NEK1: variants seen among roughly 807,000 people sequenced by gnomAD.
NEK1 encodes the protein NIMA related kinase 1.
A neutral mutation model predicts 182.1 loss-of-function variants in NEK1; 137 were observed. The ratio of observed to expected loss-of-function variants is 0.75; its 90% confidence interval spans 0.65 to 0.87. The LOEUF is 0.87. NEK1 is among the 40% of genes least tolerant of loss of function. NEK1 has a pLI of 0.00. For missense variants in NEK1, 1,391 were observed against 1,494.4 expected (o/e 0.93, Z 1.14); for synonymous variants, 513 against 492.2 (o/e 1.04, Z -0.56).
intron 27 of NEK1, among the ~76,000 whole-genome samples, chr4:169,442,477 G>A (rs1242998329): frequency 6.6e-6 from 1 of 152,062 alleles, no homozygotes; most frequent in East Asian, 1.9e-4. Context: ...CGTAAAATCG[G>A]AAGAAGTGAT....
chr4:169,558,503 T>C (rs1762460177), intron 16 of NEK1, among the ~76,000 whole-genome samples: 1 of 152,230 alleles, frequency 6.6e-6, no homozygotes, highest in African/African-American at 2.4e-5. Flanking sequence ...TTTCCCATTA[T>C]GTCATGTAAA....
chr4:169,421,464 A>G (rs1385858995), intron 31 of NEK1, among the ~76,000 whole-genome samples: 1 of 152,166 alleles, frequency 6.6e-6, no homozygotes, highest in Non-Finnish European at 1.5e-5. Context: ...TGTAATCCCC[A>G]AGAGTCAGTG....
intron 26 of NEK1, among the ~76,000 whole-genome samples, chr4:169,476,650 C>T (rs1746998562): frequency 6.6e-6 from 1 of 152,052 alleles, no homozygotes; most frequent in African/African-American, 2.4e-5. Flanking sequence ...TGTTTTGTTC[C>T]TATATCTCCA....
At chr4:169,471,347 C>G (rs974645822) in intron 26 of NEK1, among the ~76,000 whole-genome samples, 3 of 152,156 alleles carry the variant, frequency 2.0e-5, no homozygotes, top group African/African-American at 2.4e-5. Context: ...CTATTGCTTT[C>G]TGGTTGTTAG....
chr4:169,609,559 A>C (rs1051019748), intron 2 of NEK1, among the ~76,000 whole-genome samples: 3 of 152,182 alleles, frequency 2.0e-5, no homozygotes, highest in African/African-American at 7.2e-5. Context: ...GTAAAAGGAA[A>C]TACATAAGTA....
chr4:169,411,575 C>G (rs1306252390), intron 31 of NEK1, among the ~76,000 whole-genome samples: 1 of 152,140 alleles, frequency 6.6e-6, no homozygotes, highest in East Asian at 1.9e-4. Flanking sequence ...TTCCACCTGC[C>G]TCGGCCTCCC....
At chr4:169,570,096 T>C (rs1464240472) in intron 12 of NEK1, among the ~76,000 whole-genome samples, 1 of 150,728 alleles carries the variant, frequency 6.6e-6, no homozygotes, top group African/African-American at 2.4e-5. Context: ...GGAGCGTCTC[T>C]GCCTGGCCGC....
chr4:169,513,329 C>A (rs1754506385), intron 19 of NEK1, among the ~76,000 whole-genome samples: 1 of 152,004 alleles, frequency 6.6e-6, no homozygotes, highest in Admixed American at 6.6e-5. Context: ...TTTTCACATT[C>A]TTTGGAACAA....
intron 18 of NEK1, among the ~76,000 whole-genome samples, chr4:169,542,024 A>G (rs950772083): frequency 2.0e-5 from 3 of 151,794 alleles, no homozygotes; most frequent in African/African-American, 7.3e-5. Flanking sequence ...AAATTCCCAG[A>G]CTCTTTTTGT....
In NEK1 at chr4:169,406,648, C is replaced by T. The variant is rs1561131184; in HGVS notation, c.3322G>A (p.Asp1108Asn). 1 of 1,608,312 alleles carries T rather than the reference C, an allele frequency of 6.2e-7. No homozygotes were observed. ...TTAATGTTTTCATCTTCAATTTCATCTATTTCAAGATTGTCTTGACGAACA... is the reference window on the plus strand; with the variant it reads ...TTAATGTTTTCATCTTCAATTTCATTTATTTCAAGATTGTCTTGACGAACA... Reference protein sequence around the residue: ...GDVRQDNLEIDEIEDENIKEG... With the variant: ...GDVRQDNLEINEIEDENIKEG... The change falls in exon 32 of 36, where the codon GAT becomes AAT. Residue 1108 changes from aspartate (D) to asparagine (N), a missense_variant. Asp to Asn is a conservative substitution (Grantham distance 23, BLOSUM62 1). Transcript: ENST00000507142.
chr4:169,400,716 C>G (rs756728329), intron 33 of NEK1, 65 bp from the exon 34 acceptor site: 1 of 1,160,932 alleles, frequency 8.6e-7, no homozygotes, highest in Admixed American at 2.9e-5. Flanking sequence ...CCCTAATAGA[C>G]TAAAATTCTA....
intron 28 of NEK1, among the ~76,000 whole-genome samples, chr4:169,435,377 AT>A (rs1437316585): frequency 6.6e-5 from 10 of 152,014 alleles, no homozygotes; most frequent in Non-Finnish European, 1.5e-4. Flanking sequence ...TCAACATATG[AT>A]TTTTTTGGGG....
chr4:169,472,113 G>A (rs1021462053), intron 26 of NEK1, among the ~76,000 whole-genome samples: 8 of 151,854 alleles, frequency 5.3e-5, no homozygotes, highest in African/African-American at 1.7e-4. Flanking sequence ...CTTTCCAGAG[G>A]AGTGAACAGT....
intron 30 of NEK1, among the ~76,000 whole-genome samples, chr4:169,425,159 ACT>A (rs1438480369): frequency 1.3e-5 from 2 of 148,150 alleles, no homozygotes; most frequent in African/African-American, 5.2e-5. Flanking sequence ...ACTAAGTGAG[ACT>A]CTCTCTCCAC....
intron 26 of NEK1, among the ~76,000 whole-genome samples, chr4:169,464,661 A>C (rs1213250560): frequency 6.6e-6 from 1 of 152,128 alleles, no homozygotes; most frequent in Non-Finnish European, 1.5e-5. Context: ...AATAGAAAAA[A>C]CTAAGATAAG....
intron 18 of NEK1, among the ~76,000 whole-genome samples, chr4:169,550,947 T>G (rs552158356): frequency 1.3e-5 from 2 of 152,302 alleles, no homozygotes; most frequent in East Asian, 3.9e-4. Context: ...ACATATTGAT[T>G]TTGAGGTTAC....
In NEK1 at chr4:169,566,576, C is replaced by CA. The variant is rs1373973753; in HGVS notation, c.1021-4381dup. On this transcript the variant is annotated intron_variant, in intron 12 of 35. Transcript: ENST00000507142. ...AACCTATGACTTACAGGAACTGGAG[C>CA]AAAAAAAAGTCTCACAATACATGAA... Among the ~76,000 whole-genome samples, 14 of 151,496 alleles carry CA rather than the reference C, an allele frequency of 9.2e-5. 1 individual carries two copies. The East Asian group carries it at 1.4e-3, about 15-fold the overall frequency.
intron 27 of NEK1, among the ~76,000 whole-genome samples, chr4:169,452,045 A>T (rs1741900531): frequency 6.6e-6 from 1 of 152,256 alleles, no homozygotes; most frequent in South Asian, 2.1e-4. Context: ...AGAAATGCAT[A>T]CATTCCTGGA....
At chr4:169,464,085 T>C (rs1429421022) in intron 26 of NEK1, among the ~76,000 whole-genome samples, 2 of 152,198 alleles carry the variant, frequency 1.3e-5, no homozygotes, top group African/African-American at 4.8e-5. Flanking sequence ...GGGCCCTCTA[T>C]GGTTGTTTGG....
Sources: gnomAD v4.1 joint callset for allele counts (sites outside exome capture counted in the v4.1 genomes callset) on GRCh38, gnomAD v4.1.1 for gene constraint, MANE v1.5 for transcripts, NCBI Gene and HGNC (gene_info 2026-07-23, HGNC 2026-07-21) for gene names.